Variants in ZBTB16 observed in about 807,000 individuals in gnomAD.
ZBTB16 encodes the protein zinc finger and BTB domain-containing protein 16.
ZBTB16 carries 8 observed loss-of-function variants against 56.8 expected under a neutral mutation model. That is an observed-to-expected ratio of 0.14 (90% confidence interval 0.08 to 0.25). ZBTB16 has a LOEUF of 0.25. ZBTB16 is among the 10% of genes least tolerant of loss of function. ZBTB16 has a pLI of 1.00. For missense variants in ZBTB16, 625 were observed against 903.0 expected, an observed-to-expected ratio of 0.69 and a Z score of 3.95; for synonymous variants, 363 against 368.5, an observed-to-expected ratio of 0.98 and a Z score of 0.17.
At chr11:114,231,507 C>T (rs1225828630) in intron 4 of ZBTB16, among the ~76,000 whole-genome samples, 1 of 152,168 alleles carries the variant, frequency 6.6e-6, no homozygotes, top group African/African-American at 2.4e-5. Flanking sequence ...TCTAGGAGGT[C>T]TTAAGCTGCT....
chr11:114,211,848 C>T (rs1249540705), intron 4 of ZBTB16, among the ~76,000 whole-genome samples: 1 of 152,186 alleles, frequency 6.6e-6, no homozygotes, highest in Non-Finnish European at 1.5e-5. Flanking sequence ...AAGGATCTGG[C>T]CAGGCCTGGT....
At chr11:114,091,210 T>C (rs997402278) in intron 2 of ZBTB16, among the ~76,000 whole-genome samples, 25 of 152,184 alleles carry the variant, frequency 1.6e-4, no homozygotes, top group African/African-American at 6.0e-4. Flanking sequence ...TAACGGGACG[T>C]TGTGGCATGC....
intron 4 of ZBTB16, among the ~76,000 whole-genome samples, chr11:114,226,752 C>A (rs940369907): frequency 6.6e-6 from 1 of 152,170 alleles, no homozygotes; most frequent in Non-Finnish European, 1.5e-5. Context: ...GCCTACCAGA[C>A]ACTCGTCTTC....
At chr11:114,171,436 T>C (rs1256824253) in intron 3 of ZBTB16, among the ~76,000 whole-genome samples, 1 of 152,198 alleles carries the variant, frequency 6.6e-6, no homozygotes. Flanking sequence ...CAGTGCCCTT[T>C]GGACGGGGCC....
At chr11:114,195,241 C>T (rs1213717934) in intron 4 of ZBTB16, among the ~76,000 whole-genome samples, 1 of 152,150 alleles carries the variant, frequency 6.6e-6, no homozygotes, top group Admixed American at 6.5e-5. Context: ...CTTCAGCATG[C>T]CCTCGGGAGA....
chr11:114,111,955 G>A (rs1482051209), intron 2 of ZBTB16, among the ~76,000 whole-genome samples: 3 of 151,728 alleles, frequency 2.0e-5, no homozygotes, highest in Non-Finnish European at 2.9e-5. Context: ...GCTTCCAGAC[G>A]CACTTCAATA....
rs1944926749 is a variant in ZBTB16 at position 114,251,993 on chromosome 11, A to G, written c.*1438A>G. Among the ~76,000 whole-genome samples, 1 of 152,108 alleles carries G rather than the reference A, an allele frequency of 6.6e-6. No homozygotes were observed. Among genetic ancestry groups the G allele is most frequent in the South Asian group, 2.1e-4 (1 of 4,828 alleles). ...TGTGTAAATTAATAGTTGTTTTTATAGACTTCAGCTGGTCAAGACCCTCCC... is the reference window on the plus strand; with the variant it reads ...TGTGTAAATTAATAGTTGTTTTTATGGACTTCAGCTGGTCAAGACCCTCCC... On this transcript the variant is annotated 3_prime_UTR_variant, in exon 7 of 7. Coordinates refer to ENST00000335953, the MANE Select transcript of ZBTB16 (RefSeq NM_006006.6).
intron 2 of ZBTB16, among the ~76,000 whole-genome samples, chr11:114,094,078 G>A (rs1420763283): frequency 1.3e-5 from 2 of 152,196 alleles, no homozygotes; most frequent in African/African-American, 4.8e-5. Flanking sequence ...CACTTTGGGA[G>A]GCCGAGGCAG....
intron 2 of ZBTB16, among the ~76,000 whole-genome samples, chr11:114,123,703 C>T (rs1470190805): frequency 6.6e-6 from 1 of 152,076 alleles, no homozygotes; most frequent in East Asian, 1.9e-4. Context: ...TTCTGAGGAG[C>T]AGTCAAGAAA....
At chr11:114,105,979 T>C (rs1204466935) in intron 2 of ZBTB16, among the ~76,000 whole-genome samples, 1 of 152,236 alleles carries the variant, frequency 6.6e-6, no homozygotes, top group African/African-American at 2.4e-5. Context: ...AACTCAAGAA[T>C]GCAATTTCAA....
chr11:114,097,624 C>T (rs547121758), intron 2 of ZBTB16, among the ~76,000 whole-genome samples: 5 of 152,152 alleles, frequency 3.3e-5, no homozygotes, highest in African/African-American at 1.2e-4. Context: ...TGAGTATCAG[C>T]GATCAGTCTA....
chr11:114,173,282 G>C (rs762831076), intron 3 of ZBTB16, among the ~76,000 whole-genome samples: 1 of 152,192 alleles, frequency 6.6e-6, no homozygotes, highest in Non-Finnish European at 1.5e-5. Context: ...GACATGCTCT[G>C]TTTTCTAAAA....
chr11:114,242,250 G>T lies in ZBTB16; in HGVS notation c.1537G>T (p.Ala513Ser). ...ACTGCAGCAGCACATGGAGGTCCAC[G>T]CGGGCGTGCGCAGCTACATCTGCAG... ...SALQQHMEVHAGVRSYICSEC... is the reference protein window; with the variant it reads ...SALQQHMEVHSGVRSYICSEC... Residue 513 changes from alanine to serine, a missense_variant, in exon 5 of 7, where the codon GCG becomes TCG. Physicochemically the swap from Ala to Ser is moderately conservative, Grantham distance 99 (BLOSUM62 1). Coordinates refer to ENST00000335953, the MANE Select transcript of ZBTB16 (RefSeq NM_006006.6). 6.2e-7 allele frequency: 1 copy of T among 1,614,042 alleles called. No homozygotes were observed. Among genetic ancestry groups the T allele is most frequent in the South Asian group, 1.1e-5 (1 of 91,088 alleles).
chr11:114,118,448 T>C (rs1157452229), intron 2 of ZBTB16, among the ~76,000 whole-genome samples: 1 of 152,182 alleles, frequency 6.6e-6, no homozygotes, highest in African/African-American at 2.4e-5. Context: ...AGTTCTGGGA[T>C]TACAGGTGTG....
intron 2 of ZBTB16, among the ~76,000 whole-genome samples, chr11:114,096,567 G>A (rs529444401): frequency 4.6e-5 from 7 of 151,940 alleles, no homozygotes; most frequent in East Asian, 3.9e-4. Flanking sequence ...TTTAAACATC[G>A]TTGTCTCATA....
chr11:114,197,909 A>G (rs1943645021), intron 4 of ZBTB16, among the ~76,000 whole-genome samples: 1 of 151,984 alleles, frequency 6.6e-6, no homozygotes, highest in Non-Finnish European at 1.5e-5. Flanking sequence ...ATGATAGGAA[A>G]ACTGGCAACT....
chr11:114,211,312 C>A (rs748174133), intron 4 of ZBTB16, among the ~76,000 whole-genome samples: 3 of 152,128 alleles, frequency 2.0e-5, no homozygotes, highest in African/African-American at 7.2e-5. Context: ...TAGACCTGAG[C>A]CATTTCTGTG....
At chr11:114,065,145 T>C (rs929504020) in intron 2 of ZBTB16, among the ~76,000 whole-genome samples, 15 of 152,348 alleles carry the variant, frequency 9.8e-5, no homozygotes, top group East Asian at 3.9e-4. Flanking sequence ...TCTCTGATCC[T>C]GCACATGCAT....
intron 3 of ZBTB16, among the ~76,000 whole-genome samples, chr11:114,163,613 T>G (rs932462836): frequency 6.6e-6 from 1 of 152,060 alleles, no homozygotes; most frequent in African/African-American, 2.4e-5. Context: ...GAAAGTTCAT[T>G]GCAGGTCATG....
Sources: gnomAD v4.1 joint callset for allele counts (sites outside exome capture counted in the v4.1 genomes callset) on GRCh38, gnomAD v4.1.1 for gene constraint, MANE v1.5 for transcripts, NCBI Gene and HGNC (gene_info 2026-07-23, HGNC 2026-07-21) for gene names.